SOX6: variants seen among roughly 807,000 people sequenced by gnomAD.
SOX6 encodes SRY-box transcription factor 6, also known as transcription factor SOX-6.
SOX6 carries 11 observed loss-of-function variants against 97.8 expected under a neutral mutation model. That is an observed-to-expected ratio of 0.11 (90% CI 0.07 to 0.19). SOX6 has a LOEUF of 0.19. SOX6 is among the 10% of genes least tolerant of loss of function. SOX6 has a pLI of 1.00. For missense variants in SOX6, 810 were observed against 1,039.5 expected (o/e 0.78, Z 3.04); for synonymous variants, 360 against 371.4 (o/e 0.97, Z 0.35).
intron 3 of SOX6, among the ~76,000 whole-genome samples, chr11:16,306,246 T>C (rs1281018389): frequency 6.6e-5 from 10 of 152,190 alleles, no homozygotes; most frequent in African/African-American, 2.4e-4. Context: ...ATAGAATCTC[T>C]CTGTATTATT....
chr11:16,230,749 T>C (rs1852823744), intron 4 of SOX6, among the ~76,000 whole-genome samples: 1 of 151,724 alleles, frequency 6.6e-6, no homozygotes, highest in South Asian at 2.1e-4. Context: ...TGGAAGCACC[T>C]TAAAGAAAAA....
rs531553663 is a variant in SOX6, at chr11:16,196,614, T to C, written c.536-9659A>G. 1.2e-3 allele frequency among the ~76,000 whole-genome samples: 186 copies of C among 152,290 alleles called. 1 individual carries two copies. Among genetic ancestry groups the C allele is most frequent in the Non-Finnish European group, 2.2e-3 (151 of 68,032 alleles). On this transcript the variant is annotated intron_variant, in intron 4 of 15. Coordinates refer to ENST00000683767, the MANE Select transcript of SOX6 (RefSeq NM_001367873.1). ...AGTCACAAATATCCAACACAGCTTG[T>C]AGTCATCTAATTTACTCTCCTCTTC... is the stretch of plus-strand genomic sequence containing the variant.
At chr11:16,628,633 A>C (rs2133994022) in intron 3 of SOX6, among the ~76,000 whole-genome samples, 1 of 152,008 alleles carries the variant, frequency 6.6e-6, no homozygotes, top group South Asian at 2.1e-4. Flanking sequence ...AAAAAAAAAA[A>C]AAGAAAGAAA....
intron 6 of SOX6, among the ~76,000 whole-genome samples, chr11:16,172,776 C>T (rs1851072920): frequency 6.6e-6 from 1 of 151,904 alleles, no homozygotes; most frequent in South Asian, 2.1e-4. Context: ...GCAGAAAAGT[C>T]ATTTGCTGCA....
At chr11:15,993,827 G>A (rs987385248) in intron 13 of SOX6, among the ~76,000 whole-genome samples, 1 of 152,160 alleles carries the variant, frequency 6.6e-6, no homozygotes, top group African/African-American at 2.4e-5. Flanking sequence ...TTTCCAGGTG[G>A]GTTGGAAAGA....
chr11:16,429,145 G>C (rs1361109078), intron 1 of SOX6, among the ~76,000 whole-genome samples: 1 of 152,150 alleles, frequency 6.6e-6, no homozygotes, highest in Non-Finnish European at 1.5e-5. Flanking sequence ...AGGCCAGTCA[G>C]AATCACTATT....
chr11:16,736,911 G>A (rs916548152), intron 1 of SOX6, among the ~76,000 whole-genome samples: 1 of 151,870 alleles, frequency 6.6e-6, no homozygotes. Flanking sequence ...TCTTTGTTTG[G>A]TTATACTTAT....
At chr11:16,637,847 T>C (rs1848814866) in intron 3 of SOX6, among the ~76,000 whole-genome samples, 2 of 152,046 alleles carry the variant, frequency 1.3e-5, no homozygotes, top group South Asian at 4.1e-4. Flanking sequence ...TGCAACGTTT[T>C]ATAGGCAAGG....
intron 1 of SOX6, among the ~76,000 whole-genome samples, chr11:16,409,241 C>T (rs1291258011): frequency 6.7e-6 from 1 of 149,964 alleles, no homozygotes; most frequent in Non-Finnish European, 1.5e-5. Context: ...TCTTTACCAA[C>T]ATTTTCTCTA....
chr11:16,244,066 G>T (rs944238238), intron 3 of SOX6, among the ~76,000 whole-genome samples: 7 of 151,760 alleles, frequency 4.6e-5, no homozygotes, highest in Admixed American at 6.6e-5. Flanking sequence ...GGAGCTATGT[G>T]CCTGACTTTA....
chr11:16,318,240 A>G, intron 3 of SOX6: 1 of 597,372 alleles, frequency 1.7e-6, no homozygotes, highest in South Asian at 2.0e-5. Context: ...TAAAATGCAC[A>G]AAGTTTTAGA....
At chr11:16,674,572 T>A (rs547093186) in intron 3 of SOX6, among the ~76,000 whole-genome samples, 1 of 151,766 alleles carries the variant, frequency 6.6e-6, no homozygotes, top group African/African-American at 2.4e-5. Flanking sequence ...GAGAAAGAAA[T>A]AAAGGGCAGC....
chr11:16,359,048 C>T (rs1033840232), upstream of SOX6, among the ~76,000 whole-genome samples: 1 of 151,884 alleles, frequency 6.6e-6, no homozygotes, highest in Non-Finnish European at 1.5e-5. Context: ...GGAAAATAAA[C>T]CATTGAAAAG....
At chr11:16,464,875 A>T (rs1859998877) in intron 1 of SOX6, among the ~76,000 whole-genome samples, 1 of 152,192 alleles carries the variant, frequency 6.6e-6, no homozygotes, top group Admixed American at 6.5e-5. Flanking sequence ...AATAAACTTT[A>T]CATAAATCAG....
intron 10 of SOX6, among the ~76,000 whole-genome samples, chr11:16,052,455 C>T (rs1847708667): frequency 6.6e-6 from 1 of 152,078 alleles, no homozygotes; most frequent in Non-Finnish European, 1.5e-5. Context: ...TTTTGTCCAG[C>T]TTTATAGGTG....
intron 1 of SOX6, among the ~76,000 whole-genome samples, chr11:16,391,393 T>C (rs886465854): frequency 1.2e-4 from 18 of 152,214 alleles, no homozygotes; most frequent in African/African-American, 4.1e-4. Context: ...CATCCCTGAT[T>C]TACCCAAGCT....
intron 1 of SOX6, among the ~76,000 whole-genome samples, chr11:16,422,989 A>C (rs1859049502): frequency 6.6e-6 from 1 of 152,108 alleles, no homozygotes; most frequent in South Asian, 2.1e-4. Context: ...GATTATTTTT[A>C]AATGTAAATT....
At chr11:16,387,989 T>C (rs1858042701) in intron 1 of SOX6, among the ~76,000 whole-genome samples, 1 of 152,146 alleles carries the variant, frequency 6.6e-6, no homozygotes, top group African/African-American at 2.4e-5. Flanking sequence ...TCAAGTAGGA[T>C]GAATGAGCAT....
chr11:16,161,979 A>C (rs905751779), intron 6 of SOX6, among the ~76,000 whole-genome samples: 2 of 152,206 alleles, frequency 1.3e-5, no homozygotes, highest in African/African-American at 4.8e-5. Context: ...TCCTTGTCCT[A>C]AATTTAATGC....
Sources: allele counts gnomAD v4.1 joint callset (sites outside exome capture counted in the v4.1 genomes callset), GRCh38; gene constraint gnomAD v4.1.1; transcripts MANE v1.5; gene names NCBI Gene and HGNC (gene_info 2026-07-23, HGNC 2026-07-21).